The following FARP2 variants were observed in gnomAD, a reference collection of about 807,000 sequenced individuals.
FARP2 encodes the protein FERM, ARHGEF and pleckstrin domain-containing protein 2.
A neutral mutation model predicts 130.5 loss-of-function variants in FARP2; 111 were observed. The observed-to-expected ratio is 0.85, with a 90% CI of 0.73 to 1.00. The LOEUF is 1.00. FARP2 is among the 50% of genes least tolerant of loss of function. The pLI is 0.00. For missense variants in FARP2, 1,385 were observed against 1,346.3 expected (o/e 1.03, Z -0.45); for synonymous variants, 504 against 516.9 (o/e 0.98, Z 0.34).
rs748659016 is a variant in FARP2, at chr2:241,463,957, C to G, written c.1870C>G (p.Leu624Val). 3 of 1,614,106 alleles carry G rather than the reference C, an allele frequency of 1.9e-6. No individual in the cohort carries two copies. The highest frequency in any genetic ancestry group is 2.5e-6 in the Non-Finnish European group (3 of 1,179,952). Reference sequence around the variant, plus strand: ...TCATCAACGAATCGGGGACATCCTGCTCAGGAACATGCGCCAGTTAAAGGT... The same window carrying G: ...TCATCAACGAATCGGGGACATCCTGGTCAGGAACATGCGCCAGTTAAAGGT... ...GSHQRIGDIL[L>V]RNMRQLKEFT... Residue 624 changes from leucine to valine, a missense_variant, in exon 17 of 27, where the codon CTC becomes GTC. Transcript: ENST00000264042.
intron 14 of FARP2, among the ~76,000 whole-genome samples, chr2:241,460,876 G>A (rs13396918): frequency 2.6e-5 from 4 of 152,092 alleles, no homozygotes; most frequent in Non-Finnish European, 5.9e-5. Context: ...GGACTCTGGC[G>A]GGGGAGGCAC....
At chr2:241,487,933 A>G (rs2064798216) in intron 21 of FARP2, among the ~76,000 whole-genome samples, 1 of 151,608 alleles carries the variant, frequency 6.6e-6, no homozygotes, top group Non-Finnish European at 1.5e-5. Context: ...ATTTTTTAGT[A>G]GAGACGGGGT....
chr2:241,434,196 T>G lies in FARP2; in HGVS notation c.906T>G (p.Ser302Arg), dbSNP rs190366874. ...YQDTLEFLLG[S>R]RDECKNFWKI... ...ACACATTAGAATTTTTGTTGGGTAGTAGAGATGAATGTAAGAACTTCTGGA... is the reference window on the plus strand; with the variant it reads ...ACACATTAGAATTTTTGTTGGGTAGGAGAGATGAATGTAAGAACTTCTGGA... Residue 302 changes from serine (S) to arginine (R), a missense_variant, in exon 10 of 27, where the codon AGT (serine) becomes AGG (arginine). Coordinates refer to ENST00000264042, the MANE Select transcript of FARP2 (RefSeq NM_014808.4). 1 of 1,613,680 alleles carries G rather than the reference T, an allele frequency of 6.2e-7. No individual in the cohort carries two copies. The highest frequency in any genetic ancestry group is 8.5e-7 in the Non-Finnish European group (1 of 1,179,702).
At chr2:241,460,152 A>T (rs2063976071) in intron 14 of FARP2, among the ~76,000 whole-genome samples, 1 of 152,178 alleles carries the variant, frequency 6.6e-6, no homozygotes, top group South Asian at 2.1e-4. Context: ...TGGGGCATTA[A>T]CATGTAACAT....
In FARP2 at chr2:241,401,291, A is replaced by G. The variant is rs188893525; in HGVS notation, c.184-2537A>G. On this transcript the variant is annotated intron_variant, in intron 2 of 26. Coordinates refer to ENST00000264042, the MANE Select transcript of FARP2 (RefSeq NM_014808.4). Reference sequence around the variant, plus strand: ...CACATATTGTTTATTAATTGTGAAGATGATATATGCCTATTGGTTAAAAAT... The same window carrying G: ...CACATATTGTTTATTAATTGTGAAGGTGATATATGCCTATTGGTTAAAAAT... Among the ~76,000 whole-genome samples the G allele has an allele frequency of 3.9e-5, 6 of 152,318 alleles. No individual in the cohort carries two copies. In the East Asian group the frequency reaches 1.2e-3, roughly 29 times the overall value.
rs576560535 is a variant in FARP2 at position 241,491,331 on chromosome 2, G to C, written c.2623+152G>C. The C allele has an allele frequency of 8.2e-6, 7 of 850,706 alleles. No homozygotes were observed. The East Asian group carries it at 1.2e-4, about 15-fold the overall frequency. 52.7% of individuals were successfully genotyped at this position (850,706 alleles called of 1,614,324 possible). Reference sequence around the variant, plus strand: ...TCCAGGCTACGCCTCATGCCTGGGCGGGAAGAGGTGTCAATCAGCTGCTCT... The same window carrying C: ...TCCAGGCTACGCCTCATGCCTGGGCCGGAAGAGGTGTCAATCAGCTGCTCT... On this transcript the variant is annotated intron_variant, in intron 23 of 26. Transcript: ENST00000264042.
chr2:241,493,877 A>G (rs545784498), intron 26 of FARP2, 131 bp from the exon 27 acceptor site: 7 of 579,316 alleles, frequency 1.2e-5, no homozygotes, highest in South Asian at 1.1e-4. Context: ...GATTATAGGC[A>G]TGAGCCACCG....
rs10933559 is a variant in FARP2, at chr2:241,468,331, A to G, written c.2085A>G (p.Leu695=). 0.19 allele frequency: 306,823 copies of G among 1,613,154 alleles called. 31,650 individuals are homozygous for G. The highest frequency in any genetic ancestry group is 0.22 in the Middle Eastern group (1,346 of 6,062). ...ACTACCGCCTGCTGCTGCGCCGCCT[A>G]TGCGGACATTACAGCCCCGGGCACC... The part of the protein sequence containing the change: ...LLHYRLLLRR[L]CGHYSPGHHD... The change falls in exon 18 of 27, where the codon CTA becomes CTG. Residue 695 remains leucine, a synonymous_variant. Coordinates refer to ENST00000264042, the MANE Select transcript of FARP2 (RefSeq NM_014808.4).
At chr2:241,371,734 ACCAGTTTTG>A (rs759975038) in intron 1 of FARP2, among the ~76,000 whole-genome samples, 141 of 152,266 alleles carry the variant, frequency 9.3e-4, no homozygotes, top group Non-Finnish European at 1.7e-3. Flanking sequence ...TCTCACCTCC[ACCAGTTTTG>A]CCATATTTTT....
chr2:241,366,149 A>ATATATATG (rs2061316547), intron 1 of FARP2, among the ~76,000 whole-genome samples: 1 of 136,814 alleles, frequency 7.3e-6, no homozygotes, highest in African/African-American at 2.9e-5. Flanking sequence ...ACACACACAC[A>ATATATATG]TATATATTTT....
rs2063942638 is a variant in FARP2 at position 241,459,020 on chromosome 2, G to C, written c.1587+2098G>C. Among the ~76,000 whole-genome samples, 1 of 152,242 alleles carries C rather than the reference G, an allele frequency of 6.6e-6. No homozygotes were observed. Among genetic ancestry groups the C allele is most frequent in the Non-Finnish European group, 1.5e-5 (1 of 68,046 alleles). On this transcript the variant is annotated intron_variant, in intron 14 of 26. Transcript: ENST00000264042. The surrounding 1 kb of genome is among the most constrained non-coding windows in gnomAD (Gnocchi z 5.3). Reference sequence around the variant, plus strand: ...GTGTGGGCACCCTCAGCCCTGACGTGGTGTCTCCTGTTGCCTCTCCTCAAC... The same window carrying C: ...GTGTGGGCACCCTCAGCCCTGACGTCGTGTCTCCTGTTGCCTCTCCTCAAC...
chr2:241,394,695 C>T (rs2061988506), intron 2 of FARP2, among the ~76,000 whole-genome samples: 1 of 152,082 alleles, frequency 6.6e-6, no homozygotes, highest in South Asian at 2.1e-4. Context: ...CTTTAAAGTA[C>T]ATTATGGAAA....
At position 241,487,746 on chromosome 2, in the gene FARP2, C is replaced by CTTTTTTTTTTTTT. The variant is rs1167750549; in HGVS notation, c.2422-2207_2422-2195dup. Among the ~76,000 whole-genome samples, 128 of 73,226 alleles carry CTTTTTTTTTTTTT rather than the reference C, an allele frequency of 1.7e-3. 28 individuals carry two copies. The highest frequency in any genetic ancestry group is 2.5e-3 in the East Asian group (5 of 1,970). 48.0% of individuals were successfully genotyped at this position (73,226 alleles called of 152,430 possible). ...ATGTCATAGCTTAGCCTAGCCTACT[C>CTTTTTTTTTTTTT]TTTTTTTTTTTTTTTTTTTTTGAGA... On this transcript the variant is annotated intron_variant, in intron 21 of 26. Transcript: ENST00000264042.
chr2:241,468,100 C>A, intron 17 of FARP2, 40 bp from the exon 18 acceptor site: 1 of 1,345,962 alleles, frequency 7.4e-7, no homozygotes, highest in Non-Finnish European at 1.1e-6. Context: ...TGGACTCCTA[C>A]ATCTCCTCAC....
chr2:241,412,457 T>C (rs1482322733), intron 6 of FARP2, among the ~76,000 whole-genome samples: 1 of 152,136 alleles, frequency 6.6e-6, no homozygotes, highest in Non-Finnish European at 1.5e-5. Flanking sequence ...CTCAAATGGC[T>C]CAAAGGAGAA....
At chr2:241,413,487 G>T (rs981468335) in intron 7 of FARP2, 66 bp downstream of exon 7, 20 of 1,122,594 alleles carry the variant, frequency 1.8e-5, no homozygotes, top group Non-Finnish European at 2.5e-5. Context: ...TGTGTAACGA[G>T]AAAGGACTGT....
At chr2:241,490,896 C>T (rs986248579) in intron 22 of FARP2, among the ~76,000 whole-genome samples, 165 bp from the exon 23 acceptor site, 6 of 152,220 alleles carry the variant, frequency 3.9e-5, no homozygotes, top group Admixed American at 1.3e-4. Context: ...CCCAGCTCTC[C>T]TCCCTGCTAT....
intron 2 of FARP2, among the ~76,000 whole-genome samples, chr2:241,399,011 A>G (rs924406695): frequency 1.3e-4 from 20 of 152,306 alleles, no homozygotes; most frequent in African/African-American, 4.8e-4. Context: ...GATAATACAA[A>G]TTTACAGTGT....
intron 3 of FARP2, 132 bp from the exon 4 acceptor site, chr2:241,404,665 AAG>A: frequency 3.2e-6 from 2 of 624,198 alleles, no homozygotes; most frequent in Non-Finnish European, 2.8e-6. Context: ...TTCAACCTTT[AAG>A]AGGGGGGGTA....
Sources: gnomAD v4.1 joint callset for allele counts (sites outside exome capture counted in the v4.1 genomes callset) on GRCh38, gnomAD v4.1.1 for gene constraint, Gnocchi (gnomAD v3.1) non-coding constraint, MANE v1.5 for transcripts, NCBI Gene and HGNC (gene_info 2026-07-23, HGNC 2026-07-21) for gene names.